RGS12: variants seen among roughly 807,000 people sequenced by gnomAD.
RGS12 encodes regulator of G protein signaling 12.
RGS12 carries 66 observed loss-of-function variants against 120.1 expected under a neutral mutation model. That is an observed-to-expected ratio of 0.55 (90% CI 0.45 to 0.67). The LOEUF (loss-of-function observed/expected upper bound fraction) is 0.67. Ranked by LOEUF, RGS12 falls within the 30% of genes least tolerant of loss-of-function variation. The probability of loss-of-function intolerance (pLI) is 0.00; values close to 1 mark genes in which losing one functional copy is unlikely to be tolerated. For missense variants in RGS12, 1,859 were observed against 1,957.7 expected, an observed-to-expected ratio of 0.95 and a Z score of 0.95; for synonymous variants, 827 against 804.7, an observed-to-expected ratio of 1.03 and a Z score of -0.47.
At chr4:3,354,718 A>C (rs1714700905) in intron 3 of RGS12, among the ~76,000 whole-genome samples, 1 of 152,220 alleles carries the variant, frequency 6.6e-6, no homozygotes, top group Non-Finnish European at 1.5e-5. Context: ...AATACTACAT[A>C]TCTAAACTTG....
chr4:3,391,347 G>C (rs1719478599), intron 4 of RGS12, among the ~76,000 whole-genome samples: 1 of 152,204 alleles, frequency 6.6e-6, no homozygotes, highest in Non-Finnish European at 1.5e-5. Flanking sequence ...CAAGATATTT[G>C]GAGAGTTTTT....
At chr4:3,340,993 G>A (rs760242045) in intron 2 of RGS12, among the ~76,000 whole-genome samples, 1 of 151,802 alleles carries the variant, frequency 6.6e-6, no homozygotes, top group Non-Finnish European at 1.5e-5. Flanking sequence ...CCCTCTGCTG[G>A]GCATCGCCAC....
At chr4:3,439,394 T>G (rs1725120739) in intron 17 of RGS12, 61 bp from the exon 18 acceptor site, 1 of 1,548,786 alleles carries the variant, frequency 6.5e-7, no homozygotes, top group Non-Finnish European at 8.9e-7. Context: ...GGGTAGGGGG[T>G]GGGTTCCGGG....
At chr4:3,336,444 G>GT (rs1329472695) in intron 2 of RGS12, among the ~76,000 whole-genome samples, 1 of 152,230 alleles carries the variant, frequency 6.6e-6, no homozygotes, top group Non-Finnish European at 1.5e-5. Context: ...CTGACTCCTC[G>GT]TAAGTCTCTA....
rs146867154 is a variant in RGS12, at chr4:3,306,381, C to T, written c.-101-9689C>T. 5.8e-3 allele frequency among the ~76,000 whole-genome samples: 880 copies of T among 152,246 alleles called. 7 individuals carry two copies. Among genetic ancestry groups the T allele is most frequent in the African/African-American group, 0.02 (842 of 41,538 alleles). On this transcript the variant is annotated intron_variant, in intron 1 of 17. Transcript: ENST00000336727. The stretch of plus-strand genomic sequence containing the variant: ...AGAGGAGGGTGTGGAGACGAGGAGA[C>T]GGATGCAGGTATCACTCCACCATGG...
intron 17 of RGS12, chr4:3,432,093 C>T (rs924004302): frequency 1.5e-5 from 15 of 985,364 alleles, no homozygotes; most frequent in Admixed American, 6.1e-5. Flanking sequence ...CCCCTCCATC[C>T]GTCTTGGTGG....
At chr4:3,296,723 G>A (rs1338104110) in intron 1 of RGS12, among the ~76,000 whole-genome samples, 2 of 152,198 alleles carry the variant, frequency 1.3e-5, no homozygotes, top group African/African-American at 4.8e-5. Flanking sequence ...CCTCTTCTCT[G>A]GGATGGGCAG....
chr4:3,387,860 T>C (rs1417671585), intron 4 of RGS12, among the ~76,000 whole-genome samples: 1 of 152,240 alleles, frequency 6.6e-6, no homozygotes, highest in African/African-American at 2.4e-5. Context: ...TATAATAAGT[T>C]TTATTTGCCT....
chr4:3,300,725 C>T (rs963932728), intron 1 of RGS12, among the ~76,000 whole-genome samples: 1 of 152,202 alleles, frequency 6.6e-6, no homozygotes. Context: ...CTGCCTCTGT[C>T]CCCATGTGGC....
intron 10 of RGS12, among the ~76,000 whole-genome samples, chr4:3,421,441 C>T (rs187651546): frequency 3.9e-5 from 6 of 152,326 alleles, no homozygotes; most frequent in South Asian, 2.1e-4. Context: ...CTAATACCTC[C>T]GCACCCCCAA....
chr4:3,364,424 T>C (rs561492461), intron 3 of RGS12, among the ~76,000 whole-genome samples: 1 of 152,140 alleles, frequency 6.6e-6, no homozygotes, highest in South Asian at 2.1e-4. Flanking sequence ...GATGTCCCCA[T>C]GGAGGTCGGG....
At chr4:3,429,935 C>T (rs1401201240) in intron 16 of RGS12, among the ~76,000 whole-genome samples, 3 of 152,164 alleles carry the variant, frequency 2.0e-5, no homozygotes, top group East Asian at 1.9e-4. Context: ...CTCTACCACC[C>T]CTCCTCGGGT....
At chr4:3,321,363 G>A (rs1049111913) in intron 2 of RGS12, among the ~76,000 whole-genome samples, 15 of 152,128 alleles carry the variant, frequency 9.9e-5, no homozygotes, top group Non-Finnish European at 1.3e-4. Flanking sequence ...CAGGAAAAAC[G>A]ATGTGGGACC....
At chr4:3,338,912 A>G (rs1712771686) in intron 2 of RGS12, among the ~76,000 whole-genome samples, 1 of 152,208 alleles carries the variant, frequency 6.6e-6, no homozygotes, top group African/African-American at 2.4e-5. Context: ...ATCTGAATTT[A>G]TTAATTTACA....
At chr4:3,313,127 A>T (rs1724513288) in intron 1 of RGS12, 1 of 152,282 alleles carries the variant, frequency 6.6e-6, no homozygotes. Flanking sequence ...ATTTCTTTTT[A>T]ATAAGCAGAG....
chr4:3,303,701 A>G (rs1343234388), intron 1 of RGS12, among the ~76,000 whole-genome samples: 1 of 152,198 alleles, frequency 6.6e-6, no homozygotes, highest in East Asian at 1.9e-4. Flanking sequence ...TAGAAGTAAA[A>G]CGGAGCTACA....
intron 2 of RGS12, among the ~76,000 whole-genome samples, chr4:3,320,124 G>A (rs1284293895): frequency 6.6e-6 from 1 of 152,250 alleles, no homozygotes; most frequent in East Asian, 1.9e-4. Context: ...ACCTTCACCT[G>A]CTTTCTCCTT....
chr4:3,376,674 T>G (rs1161373867), intron 3 of RGS12, among the ~76,000 whole-genome samples: 6 of 152,218 alleles, frequency 3.9e-5, no homozygotes. Flanking sequence ...TTTCAAAAAA[T>G]GCTGCTCACA....
At position 3,330,217 on chromosome 4, in the gene RGS12, C is replaced by T. The variant is rs1214474833; in HGVS notation, c.1881+12166C>T. 2.0e-5 allele frequency among the ~76,000 whole-genome samples: 3 copies of T among 152,308 alleles called. No homozygotes were observed. In the East Asian group the frequency reaches 5.8e-4, roughly 29 times the overall value. ...ATGGCATTTTTCAGGGATCCATACT[C>T]CATAACTCCTAGGATTCCAAGTTTA... On this transcript the variant is annotated intron_variant, in intron 2 of 17. Transcript: ENST00000336727.
Sources: gnomAD v4.1 joint callset for allele counts (sites outside exome capture counted in the v4.1 genomes callset) on GRCh38, gnomAD v4.1.1 for gene constraint, MANE v1.5 for transcripts, NCBI Gene and HGNC (gene_info 2026-07-23, HGNC 2026-07-21) for gene names.